Variants in LIN7A observed in about 807,000 individuals in gnomAD.
The protein encoded by LIN7A is protein lin-7 homolog A.
LIN7A carries 25 observed loss-of-function variants against 29.8 expected under a neutral mutation model. The observed-to-expected ratio is 0.84, with a 90% CI of 0.61 to 1.17. The LOEUF (loss-of-function observed/expected upper bound fraction) is 1.17, where lower values mean the gene tolerates loss of function less well. LIN7A is among the 50% of genes most tolerant of loss of function. The pLI is 0.00. For missense variants in LIN7A, 239 were observed against 287.0 expected, an observed-to-expected ratio of 0.83 and a Z score of 1.21; for synonymous variants, 118 against 107.5, an observed-to-expected ratio of 1.10 and a Z score of -0.60.
intron 5 of LIN7A, among the ~76,000 whole-genome samples, chr12:80,805,295 A>G (rs1870922322): frequency 6.6e-6 from 1 of 152,068 alleles, no homozygotes; most frequent in Admixed American, 6.5e-5. Flanking sequence ...GACTAGGCGG[A>G]TAGTTTTCGT....
intron 4 of LIN7A, chr12:80,841,750 G>A (rs1430073577): frequency 7.4e-6 from 2 of 269,924 alleles, no homozygotes; most frequent in Non-Finnish European, 1.1e-5. Flanking sequence ...TACGGTTGCC[G>A]CTGGCTCCAC....
intron 2 of LIN7A, among the ~76,000 whole-genome samples, chr12:80,848,645 C>A (rs1338770291): frequency 6.6e-6 from 1 of 150,932 alleles, no homozygotes; most frequent in African/African-American, 2.4e-5. Context: ...AAAAAAAAAA[C>A]TTAAAGGATG....
At chr12:80,845,564 T>C in intron 4 of LIN7A, 166 bp downstream of exon 4, 5 of 516,636 alleles carry the variant, frequency 9.7e-6, no homozygotes, top group Admixed American at 4.0e-5. Flanking sequence ...GACATAAAAA[T>C]TAGATTGCAG....
chr12:80,899,808 G>T (rs1474390970), intron 1 of LIN7A, among the ~76,000 whole-genome samples: 2 of 109,962 alleles, frequency 1.8e-5, no homozygotes, highest in Admixed American at 1.3e-4. Context: ...TCGCTCTGTT[G>T]CCCAGGCTGG....
chr12:80,916,814 GAGA>G (rs34107001), intron 1 of LIN7A, among the ~76,000 whole-genome samples: 3 of 151,704 alleles, frequency 2.0e-5, no homozygotes, highest in South Asian at 2.1e-4. Context: ...GCCAGATAAA[GAGA>G]AGAAGAAGGG....
rs561810905 is a variant in LIN7A at position 80,793,605 on chromosome 12, A to G, written c.*4122T>C. Reference sequence around the variant, plus strand: ...GCATTTCCAGAACCTAGCATGCACTAGGTACACAATAAGTATTTGTTAAAT... The same window carrying G: ...GCATTTCCAGAACCTAGCATGCACTGGGTACACAATAAGTATTTGTTAAAT... On this transcript the variant is annotated 3_prime_UTR_variant, in exon 6 of 6. Coordinates refer to ENST00000552864, the MANE Select transcript of LIN7A (RefSeq NM_004664.4). 1 of 152,294 alleles carries G rather than the reference A, an allele frequency of 6.6e-6. No homozygotes were observed. Among genetic ancestry groups the G allele is most frequent in the African/African-American group, 2.4e-5 (1 of 41,570 alleles). The allele number at this position is 152,294 out of a possible 1,614,324, so 9.4% of individuals were successfully genotyped here. A position where few individuals can be genotyped will look rare whatever the true frequency, so the allele number is the denominator to read the frequency against.
intron 2 of LIN7A, among the ~76,000 whole-genome samples, chr12:80,885,122 G>T (rs578032199): frequency 6.6e-6 from 1 of 152,030 alleles, no homozygotes; most frequent in Non-Finnish European, 1.5e-5. Context: ...TTTCTCTGAG[G>T]TGCAAAGAAC....
intron 4 of LIN7A, among the ~76,000 whole-genome samples, chr12:80,839,031 T>G (rs578216185): frequency 6.6e-6 from 1 of 152,298 alleles, no homozygotes; most frequent in African/African-American, 2.4e-5. Flanking sequence ...CAGAGTAAAT[T>G]CCTTTTCAAA....
intron 1 of LIN7A, among the ~76,000 whole-genome samples, chr12:80,925,519 T>C (rs1449525742): frequency 1.3e-5 from 2 of 152,230 alleles, no homozygotes; most frequent in Non-Finnish European, 2.9e-5. Flanking sequence ...AGTTACTATA[T>C]GTCAGGCCTG....
At chr12:80,884,823 T>G (rs1875244077) in intron 2 of LIN7A, among the ~76,000 whole-genome samples, 1 of 152,182 alleles carries the variant, frequency 6.6e-6, no homozygotes. Flanking sequence ...ATTATGACAT[T>G]GTGTTCTGCG....
At chr12:80,843,426 T>C (rs916187200) in intron 4 of LIN7A, among the ~76,000 whole-genome samples, 25 of 152,288 alleles carry the variant, frequency 1.6e-4, no homozygotes, top group African/African-American at 6.0e-4. Context: ...GACAGAGACC[T>C]GGGGTTGTAT....
At position 80,848,256 on chromosome 12, in the gene LIN7A, C is replaced by T; in HGVS notation, c.268G>A (p.Ala90Thr). 1 of 1,611,998 alleles carries T rather than the reference C, an allele frequency of 6.2e-7. No homozygotes were observed. Among genetic ancestry groups the T allele is most frequent in the Non-Finnish European group, 8.5e-7 (1 of 1,178,236 alleles). ...GCPEFRARATAKATVAAFAAS... is the reference protein window; with the variant it reads ...GCPEFRARATTKATVAAFAAS... ...TAAAGTTACTCAAGCCTTACCTTTG[C>T]TGTTGCCCTCGCACGGAATTCGGGA... Residue 90 changes from alanine to threonine, a missense_variant, in exon 3 of 6, where the codon GCA (alanine) becomes ACA (threonine). Coordinates refer to ENST00000552864, the MANE Select transcript of LIN7A (RefSeq NM_004664.4).
rs746961716 is a variant in LIN7A, at chr12:80,811,619, T to C, written c.548A>G (p.Lys183Arg). 14 of 1,614,136 alleles carry C rather than the reference T, an allele frequency of 8.7e-6. No homozygotes were observed. The Middle Eastern group carries it at 9.9e-4, about 114-fold the overall frequency. The change falls in exon 5 of 6, where the codon AAG becomes AGG. Residue 183 changes from lysine to arginine, a missense_variant. Lys to Arg is a conservative substitution (Grantham distance 26). Coordinates refer to ENST00000552864, the MANE Select transcript of LIN7A (RefSeq NM_004664.4). ...ELLKAAKDSV[K>R]LVVRYTPKVL... Reference sequence around the variant, plus strand: ...TTTTGGGGTGTATCGCACCACCAGCTTGACGCTGTCTTTAGCAGCCTTGAG... The same window carrying C: ...TTTTGGGGTGTATCGCACCACCAGCCTGACGCTGTCTTTAGCAGCCTTGAG...
chr12:80,859,205 T>C (rs953487642), intron 2 of LIN7A, among the ~76,000 whole-genome samples: 4 of 152,238 alleles, frequency 2.6e-5, no homozygotes, highest in Non-Finnish European at 4.4e-5. Context: ...ACAAGACTTA[T>C]AGTTTGGGAG....
chr12:80,854,791 A>AT (rs987316932), intron 2 of LIN7A, among the ~76,000 whole-genome samples: 1 of 152,188 alleles, frequency 6.6e-6, no homozygotes, highest in African/African-American at 2.4e-5. Flanking sequence ...AGCAAAAAAT[A>AT]TTTTTTAAGA....
chr12:80,927,439 A>G (rs913039456), intron 1 of LIN7A, among the ~76,000 whole-genome samples: 25 of 151,816 alleles, frequency 1.6e-4, no homozygotes, highest in Admixed American at 1.4e-3. Flanking sequence ...GTGAGCCACC[A>G]CGCCCGGCCA....
chr12:80,929,717 A>G (rs1449309616), intron 1 of LIN7A, among the ~76,000 whole-genome samples: 2 of 152,136 alleles, frequency 1.3e-5, no homozygotes, highest in South Asian at 2.1e-4. Context: ...TTTTAAATAT[A>G]TATATGTACA....
At chr12:80,813,276 G>T (rs1285639159) in intron 4 of LIN7A, among the ~76,000 whole-genome samples, 2 of 152,154 alleles carry the variant, frequency 1.3e-5, no homozygotes, top group East Asian at 3.9e-4. Flanking sequence ...CTCCCAAAGT[G>T]CTGGGATTAC....
chr12:80,880,786 CAG>C (rs1874988867), intron 2 of LIN7A, among the ~76,000 whole-genome samples: 2 of 150,838 alleles, frequency 1.3e-5, no homozygotes, highest in Non-Finnish European at 3.0e-5. Flanking sequence ...TACACACACA[CAG>C]ACACACACAC....
Sources: gnomAD v4.1 joint callset for allele counts (sites outside exome capture counted in the v4.1 genomes callset) on GRCh38, gnomAD v4.1.1 for gene constraint, MANE v1.5 for transcripts, NCBI Gene and HGNC (gene_info 2026-07-23, HGNC 2026-07-21) for gene names.